The following FER variants were observed in gnomAD, a reference collection of about 807,000 sequenced individuals.
FER encodes FER tyrosine kinase.
Under a neutral mutation model 111.0 loss-of-function variants are expected in FER, and 63 were observed. That is an observed-to-expected ratio of 0.57 (90% CI 0.46 to 0.70). The LOEUF (loss-of-function observed/expected upper bound fraction) is 0.70, where lower values mean the gene tolerates loss of function less well. Among genes scored for constraint, FER ranks in the 30% least tolerant of loss-of-function variants. FER has a pLI of 0.00. For missense variants in FER, 914 were observed against 954.0 expected (o/e 0.96, Z 0.55); for synonymous variants, 327 against 313.9 (o/e 1.04, Z -0.44).
chr5:108,761,809 C>G (rs1291125762), intron 1 of FER, among the ~76,000 whole-genome samples: 3 of 152,156 alleles, frequency 2.0e-5, no homozygotes, highest in African/African-American at 7.2e-5. Flanking sequence ...TGACTTCTTA[C>G]CCTAAAGTAG....
At chr5:108,878,877 A>G (rs1024137077) in intron 8 of FER, among the ~76,000 whole-genome samples, 7 of 152,148 alleles carry the variant, frequency 4.6e-5, no homozygotes, top group Admixed American at 2.0e-4. Flanking sequence ...AGGATGTGTA[A>G]TTACTAAGAC....
chr5:108,920,397 A>T (rs535146567), intron 10 of FER, among the ~76,000 whole-genome samples: 2 of 152,270 alleles, frequency 1.3e-5, no homozygotes, highest in African/African-American at 4.8e-5. Flanking sequence ...GACATTTTTA[A>T]TGTGAACTTA....
At chr5:109,008,105 A>C (rs1434793145) in intron 13 of FER, among the ~76,000 whole-genome samples, 1 of 152,214 alleles carries the variant, frequency 6.6e-6, no homozygotes. Context: ...AACCACAGAA[A>C]GACAAACTAG....
intron 16 of FER, among the ~76,000 whole-genome samples, chr5:109,092,258 C>T (rs77435199): frequency 0.031 from 2,649 of 86,542 alleles, 114 homozygotes; most frequent in African/African-American, 0.11. Context: ...AGGGAGAGTA[C>T]ATCAATCTTA....
rs925734590 is a variant in FER, at chr5:108,798,161, A to C, written c.-22A>C. On this transcript the variant is annotated 5_prime_UTR_variant, in exon 3 of 20. Coordinates refer to ENST00000281092, the MANE Select transcript of FER (RefSeq NM_005246.4). ...TAGAAGGCTCACTTGTGCAGTGTGG[A>C]GGATAACCAGTGCCTTACAAAATGG... The C allele has an allele frequency of 5.6e-6, 9 of 1,597,380 alleles. No individual in the cohort carries two copies. In the African/African-American group the frequency reaches 1.1e-4, roughly 19 times the overall value.
At chr5:109,088,438 G>A (rs1367881038) in intron 16 of FER, among the ~76,000 whole-genome samples, 3 of 152,012 alleles carry the variant, frequency 2.0e-5, no homozygotes, top group Non-Finnish European at 2.9e-5. Context: ...ATTTAAGCAG[G>A]CATTTTCCTC....
At chr5:109,182,119 A>T (rs1758350879) in intron 18 of FER, among the ~76,000 whole-genome samples, 1 of 152,180 alleles carries the variant, frequency 6.6e-6, no homozygotes, top group Non-Finnish European at 1.5e-5. Context: ...CATTGTATGG[A>T]TATACAACCA....
chr5:108,937,482 A>T (rs372295698), intron 10 of FER, among the ~76,000 whole-genome samples: 6 of 152,010 alleles, frequency 3.9e-5, no homozygotes, highest in African/African-American at 1.4e-4. Context: ...TCAGGTGGTA[A>T]TTGAAGTTGA....
chr5:108,850,364 A>AT (rs1368560738), intron 5 of FER, among the ~76,000 whole-genome samples: 2 of 151,532 alleles, frequency 1.3e-5, no homozygotes, highest in Admixed American at 1.3e-4. Flanking sequence ...GGTGTTTCTG[A>AT]TTTTTCTTCT....
chr5:108,827,701 A>G (rs1345879321), intron 3 of FER, among the ~76,000 whole-genome samples: 1 of 150,106 alleles, frequency 6.7e-6, no homozygotes. Context: ...GCTGTATTTT[A>G]TTTCTGTTTC....
chr5:108,992,733 C>T (rs920795634), intron 13 of FER, among the ~76,000 whole-genome samples: 2 of 151,966 alleles, frequency 1.3e-5, no homozygotes, highest in African/African-American at 4.8e-5. Flanking sequence ...ACGCTCCTCA[C>T]TTCCCAGACG....
intron 8 of FER, among the ~76,000 whole-genome samples, chr5:108,873,775 G>A (rs1326961307): frequency 1.3e-5 from 2 of 152,188 alleles, no homozygotes; most frequent in Non-Finnish European, 2.9e-5. Context: ...GACAGTATCT[G>A]AAGACATTAG....
At chr5:109,013,867 G>A (rs1766661646) in intron 13 of FER, among the ~76,000 whole-genome samples, 1 of 151,508 alleles carries the variant, frequency 6.6e-6, no homozygotes, top group African/African-American at 2.4e-5. Flanking sequence ...TTTTTTGGCT[G>A]CATAAATGTC....
At chr5:108,963,287 G>C (rs1206083192) in intron 13 of FER, among the ~76,000 whole-genome samples, 1 of 152,198 alleles carries the variant, frequency 6.6e-6, no homozygotes, top group African/African-American at 2.4e-5. Context: ...ATTAGGCCAA[G>C]TGCAGTGGCT....
intron 10 of FER, among the ~76,000 whole-genome samples, chr5:108,910,598 T>C (rs1751409765): frequency 6.6e-6 from 1 of 152,274 alleles, no homozygotes; most frequent in East Asian, 1.9e-4. Context: ...TAGTGAACAT[T>C]GTACCACATA....
chr5:108,943,300 C>T (rs1756526542), intron 10 of FER, among the ~76,000 whole-genome samples: 1 of 152,144 alleles, frequency 6.6e-6, no homozygotes, highest in Non-Finnish European at 1.5e-5. Context: ...TTTTATCTAG[C>T]CAGTGCCTTT....
intron 5 of FER, among the ~76,000 whole-genome samples, chr5:108,845,673 G>A (rs1440079181): frequency 1.3e-5 from 2 of 151,978 alleles, no homozygotes; most frequent in African/African-American, 4.8e-5. Flanking sequence ...AGAAGTGAGA[G>A]GAGCAAACAA....
chr5:108,818,583 GT>G (rs1758515911), intron 3 of FER, among the ~76,000 whole-genome samples: 1 of 152,100 alleles, frequency 6.6e-6, no homozygotes, highest in South Asian at 2.1e-4. Flanking sequence ...TTAGTAATTT[GT>G]TTTCCTGGGG....
intron 13 of FER, among the ~76,000 whole-genome samples, 186 bp from the exon 14 acceptor site, chr5:109,037,236 C>T (rs1770526543): frequency 6.6e-6 from 1 of 151,948 alleles, no homozygotes; most frequent in African/African-American, 2.4e-5. Context: ...ACTTTAATGT[C>T]CTATTGTGTA....
Sources: gnomAD v4.1 joint callset for allele counts (sites outside exome capture counted in the v4.1 genomes callset) on GRCh38, gnomAD v4.1.1 for gene constraint, MANE v1.5 for transcripts, NCBI Gene and HGNC (gene_info 2026-07-23, HGNC 2026-07-21) for gene names.